Variants in MAML3 observed in about 807,000 individuals in gnomAD.
MAML3 encodes the protein mastermind like transcriptional coactivator 3.
Under a neutral mutation model 101.9 loss-of-function variants are expected in MAML3, and 27 were observed. That is an observed-to-expected ratio of 0.27 (90% CI 0.20 to 0.37). MAML3 has a LOEUF of 0.37. Among genes scored for constraint, MAML3 ranks in the 10% least tolerant of loss-of-function variants. The pLI, the probability that MAML3 is intolerant of heterozygous loss-of-function variation, is 1.00. For synonymous variants in MAML3, 501 were observed against 555.9 expected (o/e 0.90, Z 1.39); for missense variants, 1,316 against 1,444.9 (o/e 0.91, Z 1.45).
chr4:140,141,537 T>C (rs1222195659), intron 1 of MAML3, among the ~76,000 whole-genome samples: 1 of 152,212 alleles, frequency 6.6e-6, no homozygotes, highest in Non-Finnish European at 1.5e-5. Flanking sequence ...TAATCAAGCC[T>C]GTGAAACACA....
At chr4:140,151,349 C>A (rs62345614) in intron 1 of MAML3, among the ~76,000 whole-genome samples, 3,767 of 150,084 alleles carry the variant, frequency 0.025, 82 homozygotes, top group Non-Finnish European at 0.04. Flanking sequence ...TCTTGAAGCC[C>A]AAGATAAACA....
chr4:139,891,077 C>CTTTTA, intron 1 of MAML3, 110 bp from the exon 2 acceptor site: 1 of 1,264,322 alleles, frequency 7.9e-7, no homozygotes, highest in Non-Finnish European at 1.1e-6. Context: ...TTACGACACA[C>CTTTTA]AGGAAAGAAG....
intron 1 of MAML3, among the ~76,000 whole-genome samples, chr4:139,942,450 G>A (rs1733626000): frequency 6.6e-6 from 1 of 152,118 alleles, no homozygotes. Context: ...TAAGTTCTCT[G>A]TGATTAATGT....
At chr4:139,836,204 G>A (rs139058959) in intron 2 of MAML3, among the ~76,000 whole-genome samples, 39 of 152,266 alleles carry the variant, frequency 2.6e-4, no homozygotes, top group African/African-American at 8.9e-4. Flanking sequence ...CAAAATAACA[G>A]ACACATAAAT....
chr4:139,723,635 C>A (rs1390329254), intron 4 of MAML3, among the ~76,000 whole-genome samples: 5 of 151,986 alleles, frequency 3.3e-5, no homozygotes, highest in Admixed American at 3.3e-4. Context: ...TTAACTGGAC[C>A]CAAAACATTC....
intron 1 of MAML3, among the ~76,000 whole-genome samples, chr4:140,011,098 GAAA>G (rs70943466): frequency 1.0e-5 from 1 of 97,540 alleles, no homozygotes; most frequent in Non-Finnish European, 1.9e-5. Context: ...ACTCTGTCTC[GAAA>G]AAAAAAAAAA....
rs1729223707 is a variant in MAML3, at chr4:140,153,974, G to A, written c.-647C>T. 1 of 153,898 alleles carries A rather than the reference G, an allele frequency of 6.5e-6. No homozygotes were observed. The highest frequency in any genetic ancestry group is 2.4e-5 in the African/African-American group (1 of 41,450). 9.5% of individuals were successfully genotyped at this position (153,898 alleles called of 1,614,324 possible). On this transcript the variant is annotated 5_prime_UTR_variant, in exon 1 of 5. Coordinates refer to ENST00000509479, the MANE Select transcript of MAML3 (RefSeq NM_018717.5). ...CTCGGGCTGGGGGAAGTAAACACAT[G>A]GACAGTCCGAGGCGACTGCAAAAGT...
intron 2 of MAML3, among the ~76,000 whole-genome samples, chr4:139,882,354 C>A (rs1480151471): frequency 6.7e-6 from 1 of 148,572 alleles, no homozygotes; most frequent in Non-Finnish European, 1.5e-5. Flanking sequence ...GTACTAGATA[C>A]AGTGAATGAA....
chr4:139,962,362 G>A (rs1034104168), intron 1 of MAML3, among the ~76,000 whole-genome samples: 3 of 152,130 alleles, frequency 2.0e-5, no homozygotes, highest in African/African-American at 7.2e-5. Context: ...GGTGCCTGCT[G>A]ATATGTTCAA....
chr4:140,129,961 G>A lies in MAML3; in HGVS notation c.468+22899C>T, dbSNP rs1477736006. 2.5e-4 allele frequency among the ~76,000 whole-genome samples: 36 copies of A among 145,660 alleles called. No individual in the cohort carries two copies. In the East Asian group the frequency reaches 4.2e-3, roughly 17 times the overall value. On this transcript the variant is annotated intron_variant, in intron 1 of 4. Coordinates refer to ENST00000509479, the MANE Select transcript of MAML3 (RefSeq NM_018717.5). ...GCCTGGGTGACCTGAGCGAAACTCC[G>A]TCTCAAAAAAAAAAAAAAGAATCAA...
chr4:139,809,393 T>G (rs942251855), intron 2 of MAML3, among the ~76,000 whole-genome samples: 1 of 152,148 alleles, frequency 6.6e-6, no homozygotes, highest in African/African-American at 2.4e-5. Context: ...TTATGCGGGA[T>G]TGGAATATTG....
intron 2 of MAML3, among the ~76,000 whole-genome samples, chr4:139,742,438 C>T (rs116555967): frequency 0.061 from 9,347 of 152,254 alleles, 471 homozygotes; most frequent in Admixed American, 0.14. Flanking sequence ...CGAGAGCCAC[C>T]GCACCTGGCC....
intron 2 of MAML3, among the ~76,000 whole-genome samples, chr4:139,782,384 C>A (rs961308050): frequency 6.6e-6 from 1 of 152,130 alleles, no homozygotes; most frequent in Non-Finnish European, 1.5e-5. Flanking sequence ...CCGGGCTGGT[C>A]TTAAACTTCT....
intron 1 of MAML3, among the ~76,000 whole-genome samples, chr4:140,064,915 A>C (rs1016474998): frequency 1.3e-5 from 2 of 152,176 alleles, no homozygotes; most frequent in East Asian, 3.8e-4. Context: ...CCCTTTTCAA[A>C]TTGCTGGAAG....
intron 2 of MAML3, among the ~76,000 whole-genome samples, chr4:139,791,561 G>T (rs140529487): frequency 1.2e-3 from 175 of 150,048 alleles, no homozygotes; most frequent in African/African-American, 4.0e-3. Context: ...GACTTATAAG[G>T]TTATAAATAT....
At chr4:139,883,550 C>G (rs1732261509) in intron 2 of MAML3, among the ~76,000 whole-genome samples, 3 of 152,036 alleles carry the variant, frequency 2.0e-5, no homozygotes, top group African/African-American at 7.3e-5. Context: ...AAGAGAGAGA[C>G]TGTGTGTGGG....
At chr4:139,844,644 TG>T (rs1365506347) in intron 2 of MAML3, among the ~76,000 whole-genome samples, 3 of 152,242 alleles carry the variant, frequency 2.0e-5, no homozygotes, top group African/African-American at 7.2e-5. Flanking sequence ...GTCTCTTTCT[TG>T]GTCATAGACT....
At position 139,771,202 on chromosome 4, in the gene MAML3, G is replaced by A. The variant is rs559926625; in HGVS notation, c.2080-40535C>T. Among the ~76,000 whole-genome samples, 4 of 152,326 alleles carry A rather than the reference G, an allele frequency of 2.6e-5. No individual in the cohort carries two copies. In the East Asian group the frequency reaches 7.7e-4, roughly 29 times the overall value. ...GAAGCCCTTTTCCTTTAAAGAGGTT[G>A]TATTTTGGAGAGGGTTTTGGGCAGC... On this transcript the variant is annotated intron_variant, in intron 2 of 4. Transcript: ENST00000509479.
intron 2 of MAML3, among the ~76,000 whole-genome samples, chr4:139,809,502 C>A (rs545447405): frequency 6.6e-6 from 1 of 152,180 alleles, no homozygotes; most frequent in Non-Finnish European, 1.5e-5. Flanking sequence ...CCCCTTCCAA[C>A]GTAGCTTATG....
Sources: gnomAD v4.1 joint callset for allele counts (sites outside exome capture counted in the v4.1 genomes callset) on GRCh38, gnomAD v4.1.1 for gene constraint, MANE v1.5 for transcripts, NCBI Gene and HGNC (gene_info 2026-07-23, HGNC 2026-07-21) for gene names.